The following REEP1 variants were observed in gnomAD, a reference collection of about 807,000 sequenced individuals.
REEP1 encodes the protein receptor accessory protein 1, also known as receptor expression-enhancing protein 1.
REEP1 carries 22 observed loss-of-function variants against 40.3 expected under a neutral mutation model. The observed-to-expected ratio is 0.55, with a 90% CI of 0.39 to 0.78. REEP1 has a LOEUF of 0.78. Ranked by LOEUF, REEP1 falls within the 30% of genes least tolerant of loss-of-function variation. REEP1 has a pLI of 0.00. For synonymous variants in REEP1, 116 were observed against 139.2 expected, an observed-to-expected ratio of 0.83 and a Z score of 1.17; for missense variants, 280 against 361.1, an observed-to-expected ratio of 0.78 and a Z score of 1.82.
intron 2 of REEP1, among the ~76,000 whole-genome samples, chr2:86,277,307 G>A (rs1677807820): frequency 6.6e-6 from 1 of 152,128 alleles, no homozygotes; most frequent in African/African-American, 2.4e-5. Flanking sequence ...TGTAATCCCA[G>A]CACTTTAGCA....
At chr2:86,337,908 G>T, upstream of REEP1, 1 of 1,067,092 alleles carries the variant, frequency 9.4e-7, no homozygotes, top group Non-Finnish European at 1.4e-6. This position sits in a 1 kb window ranked among gnomAD's most constrained non-coding sequence, Gnocchi z 5.8. Flanking sequence ...CACCCTCAGC[G>T]TTCCAGCGGA....
At chr2:86,333,443 A>T (rs754364649) in intron 1 of REEP1, among the ~76,000 whole-genome samples, 2 of 152,180 alleles carry the variant, frequency 1.3e-5, no homozygotes, top group Non-Finnish European at 2.9e-5. Flanking sequence ...AAAATGTGCA[A>T]TGTGGAAATA....
At chr2:86,294,569 A>C (rs1678883161) in intron 1 of REEP1, among the ~76,000 whole-genome samples, 2 of 152,200 alleles carry the variant, frequency 1.3e-5, no homozygotes, top group South Asian at 4.1e-4. Flanking sequence ...CAATTTATTC[A>C]ATCCATTGTA....
chr2:86,245,208 A>G (rs1472806872), intron 5 of REEP1, among the ~76,000 whole-genome samples: 1 of 152,198 alleles, frequency 6.6e-6, no homozygotes, highest in African/African-American at 2.4e-5. Context: ...ACTGTTGGGA[A>G]AAGGGCTTGT....
At chr2:86,286,259 G>C (rs1023799308) in intron 1 of REEP1, among the ~76,000 whole-genome samples, 1 of 152,202 alleles carries the variant, frequency 6.6e-6, no homozygotes, top group Non-Finnish European at 1.5e-5. Flanking sequence ...TTCCCCACTG[G>C]GGTGATCTCG....
chr2:86,224,705 C>T (rs760638165), intron 7 of REEP1, among the ~76,000 whole-genome samples: 15 of 152,196 alleles, frequency 9.9e-5, no homozygotes, highest in Non-Finnish European at 2.1e-4. Context: ...CCAACCTGCT[C>T]GGGGATAAGG....
At chr2:86,321,019 G>A (rs1680252402) in intron 1 of REEP1, among the ~76,000 whole-genome samples, 1 of 152,188 alleles carries the variant, frequency 6.6e-6, no homozygotes, top group African/African-American at 2.4e-5. Flanking sequence ...GTTTTGCCAT[G>A]TTGACCAGGC....
chr2:86,313,883 C>T (rs1679872077), intron 1 of REEP1, among the ~76,000 whole-genome samples: 1 of 152,210 alleles, frequency 6.6e-6, no homozygotes, highest in Non-Finnish European at 1.5e-5. Flanking sequence ...GATCTTCTGA[C>T]TCTTCAAGAG....
At chr2:86,240,993 G>A (rs1675637959) in intron 5 of REEP1, among the ~76,000 whole-genome samples, 1 of 152,198 alleles carries the variant, frequency 6.6e-6, no homozygotes, top group Non-Finnish European at 1.5e-5. Context: ...TGGAAGCCTG[G>A]GAGGTTAGAC....
At chr2:86,300,404 T>A (rs1679205717) in intron 1 of REEP1, among the ~76,000 whole-genome samples, 1 of 152,140 alleles carries the variant, frequency 6.6e-6, no homozygotes, top group Non-Finnish European at 1.5e-5. Flanking sequence ...CTCACAGGAA[T>A]TGGCATTGGT....
chr2:86,298,509 C>T (rs775934458), intron 1 of REEP1, among the ~76,000 whole-genome samples: 2 of 152,208 alleles, frequency 1.3e-5, no homozygotes, highest in Admixed American at 6.5e-5. Context: ...AAGAGAGCAC[C>T]GTGTCGAGTT....
intron 1 of REEP1, among the ~76,000 whole-genome samples, chr2:86,335,345 A>T (rs1573075967): frequency 6.8e-6 from 1 of 147,472 alleles, no homozygotes; most frequent in Non-Finnish European, 1.5e-5. Flanking sequence ...GGACTGGGGG[A>T]TAAGTGGTAT....
intron 6 of REEP1, among the ~76,000 whole-genome samples, chr2:86,231,765 G>A (rs1433283370): frequency 6.6e-6 from 1 of 152,068 alleles, no homozygotes; most frequent in African/African-American, 2.4e-5. Flanking sequence ...AAGGCCCCTG[G>A]CATCCTCCCA....
intron 5 of REEP1, among the ~76,000 whole-genome samples, chr2:86,242,116 C>T (rs998517243): frequency 6.6e-6 from 1 of 152,180 alleles, no homozygotes; most frequent in African/African-American, 2.4e-5. Context: ...TAACAGGCAA[C>T]CTTTATTAAA....
chr2:86,245,971 A>G (rs981410383), intron 5 of REEP1, among the ~76,000 whole-genome samples: 14 of 152,050 alleles, frequency 9.2e-5, no homozygotes, highest in East Asian at 3.9e-4. Context: ...TCACCATGTT[A>G]GCCAGGATGG....
intron 3 of REEP1, among the ~76,000 whole-genome samples, chr2:86,258,253 C>A (rs1467928156): frequency 1.3e-5 from 2 of 152,178 alleles, no homozygotes; most frequent in Non-Finnish European, 2.9e-5. Flanking sequence ...TCCAGGGGTC[C>A]CAATAACCCT....
intron 2 of REEP1, among the ~76,000 whole-genome samples, chr2:86,281,643 G>T (rs1678101629): frequency 6.6e-6 from 1 of 152,070 alleles, no homozygotes; most frequent in African/African-American, 2.4e-5. Context: ...ACAAAACTAT[G>T]AAAACAGATA....
chr2:86,235,959 G>A (rs1675301811), intron 5 of REEP1, among the ~76,000 whole-genome samples: 1 of 152,180 alleles, frequency 6.6e-6, no homozygotes, highest in Non-Finnish European at 1.5e-5. Flanking sequence ...GTTCACGCCT[G>A]TAATCCCAGC....
chr2:86,276,449 G>T (rs1677761274), intron 2 of REEP1, among the ~76,000 whole-genome samples: 1 of 152,132 alleles, frequency 6.6e-6, no homozygotes, highest in Non-Finnish European at 1.5e-5. Context: ...ACACAATACT[G>T]CTTCTCATCA....
Sources: gnomAD v4.1 joint callset for allele counts (sites outside exome capture counted in the v4.1 genomes callset) on GRCh38, gnomAD v4.1.1 for gene constraint, Gnocchi (gnomAD v3.1) non-coding constraint, MANE v1.5 for transcripts, NCBI Gene and HGNC (gene_info 2026-07-23, HGNC 2026-07-21) for gene names.